Variants in NUP160 observed in about 807,000 individuals in gnomAD.
NUP160 encodes the protein nuclear pore complex protein Nup160.
In NUP160, 94 loss-of-function variants were observed where a neutral mutation model predicts 196.9. The ratio of observed to expected loss-of-function variants is 0.48; its 90% CI spans 0.40 to 0.57. The LOEUF is 0.57. NUP160 is among the 20% of genes least tolerant of loss of function. The pLI is 0.00. For missense variants in NUP160, 1,638 were observed against 1,748.3 expected (o/e 0.94, Z 1.13); for synonymous variants, 605 against 619.7 (o/e 0.98, Z 0.35).
At chr11:47,827,386 G>A (rs1489084264) in intron 7 of NUP160, among the ~76,000 whole-genome samples, 2 of 149,876 alleles carry the variant, frequency 1.3e-5, no homozygotes, top group Non-Finnish European at 3.0e-5. Flanking sequence ...AAAATTCACA[G>A]CTTACTGTTG....
chr11:47,821,490 G>T, intron 9 of NUP160: 1 of 462,714 alleles, frequency 2.2e-6, no homozygotes, highest in Non-Finnish European at 3.9e-6. Flanking sequence ...TGCCTCCCGA[G>T]GAGCTGGGAT....
chr11:47,798,159 T>C lies in NUP160; in HGVS notation c.3086+9A>G. 1.2e-6 allele frequency: 2 copies of C among 1,603,986 alleles called. No homozygotes were observed. The highest frequency in any genetic ancestry group is 1.7e-6 in the Non-Finnish European group (2 of 1,172,514). On this transcript the variant is annotated intron_variant, in intron 25 of 35. Transcript: ENST00000378460. ...AAATTGTCTTCTCTAAAAAAGGCCATGAAATTACCTGCTGGAATCAGGAAT... is the reference window on the plus strand; with the variant it reads ...AAATTGTCTTCTCTAAAAAAGGCCACGAAATTACCTGCTGGAATCAGGAAT...
At chr11:47,847,793 A>T in intron 2 of NUP160, 55 bp downstream of exon 2, 1 of 1,307,996 alleles carries the variant, frequency 7.6e-7, no homozygotes, top group Non-Finnish European at 1.1e-6. Context: ...CAGCGACGAA[A>T]ATTTATACAC....
Position 47,848,231 on chromosome 11 carries a change from CTG to C in NUP160, c.188_189del (p.Thr63SerfsTer18), listed in dbSNP as rs751494111. 2.5e-6 allele frequency: 4 copies of C among 1,614,106 alleles called. No individual in the cohort carries two copies. The highest frequency in any genetic ancestry group is 3.4e-6 in the Non-Finnish European group (4 of 1,180,050). Reference sequence around the variant, plus strand: ...GCCATTTCCGTACCAATGCTGCAGACTGTGAATTCCCGAAAGTGCCTCGGCCT... The same window carrying C: ...GCCATTTCCGTACCAATGCTGCAGACTGAATTCCCGAAAGTGCCTCGGCCT... On this transcript the variant is annotated frameshift_variant, in exon 1 of 36. Transcript: ENST00000378460. LOFTEE classifies it high-confidence loss of function.
At position 47,788,464 on chromosome 11, in the gene NUP160, C is replaced by T. The variant is rs763008758; in HGVS notation, c.3622+37G>A. On this transcript the variant is annotated intron_variant, in intron 30 of 35. Transcript: ENST00000378460. ...CTGGACCTAAAATGTGCTCGTGGTG[C>T]TGACAAGTCAGAGGCTTTAAACTCT... 4.4e-6 allele frequency: 7 copies of T among 1,578,352 alleles called. No homozygotes were observed. The South Asian group carries it at 7.8e-5, about 18-fold the overall frequency.
intron 19 of NUP160, among the ~76,000 whole-genome samples, chr11:47,806,852 C>CACACACACATATAT (rs1428564239): frequency 2.4e-5 from 3 of 124,252 alleles, no homozygotes; most frequent in African/African-American, 6.3e-5. Context: ...CACACACACA[C>CACACACACATATAT]ATATATATAC....
chr11:47,779,130 T>C, exon 36 of NUP160: 1 of 1,613,768 alleles, frequency 6.2e-7, no homozygotes. Flanking sequence ...ATATAATAAA[T>C]CCCGTGTTGC....
intron 7 of NUP160, among the ~76,000 whole-genome samples, chr11:47,831,925 C>T (rs1599342507): frequency 1.0e-5 from 1 of 99,032 alleles, no homozygotes; most frequent in South Asian, 3.7e-4. Context: ...TTTTTTGAGA[C>T]AGAATCTCGG....
intron 27 of NUP160, among the ~76,000 whole-genome samples, chr11:47,796,015 G>A (rs1326236809): frequency 2.6e-5 from 4 of 151,822 alleles, no homozygotes; most frequent in Non-Finnish European, 4.4e-5. Context: ...TTAACCGGGC[G>A]TGGTGGTAGG....
At chr11:47,799,881 T>C (rs1465877870) in intron 23 of NUP160, among the ~76,000 whole-genome samples, 1 of 152,166 alleles carries the variant, frequency 6.6e-6, no homozygotes, top group Non-Finnish European at 1.5e-5. Flanking sequence ...TCTAGTGACA[T>C]CATAGCCACC....
chr11:47,846,125 G>A (rs557507393), intron 2 of NUP160, among the ~76,000 whole-genome samples: 1 of 147,072 alleles, frequency 6.8e-6, no homozygotes, highest in East Asian at 2.0e-4. Flanking sequence ...AATGGAGCCA[G>A]ACTGTCTCTC....
intron 9 of NUP160, chr11:47,821,487 C>G: frequency 2.2e-6 from 1 of 458,838 alleles, no homozygotes; most frequent in South Asian, 3.1e-5. Context: ...CCTTGCCTCC[C>G]GAGGAGCTGG....
exon 33 of NUP160, chr11:47,784,997 C>G (rs1256906901): frequency 6.2e-7 from 1 of 1,602,268 alleles, no homozygotes; most frequent in Non-Finnish European, 8.5e-7. Context: ...AGTGGTGATA[C>G]AAGTTATTCT....
Position 47,823,737 on chromosome 11 carries a change from G to A in NUP160, c.1102-1573C>T, listed in dbSNP as rs1487153260. 2.6e-5 allele frequency among the ~76,000 whole-genome samples: 4 copies of A among 151,724 alleles called. No individual in the cohort carries two copies. The East Asian group carries it at 5.8e-4, about 22-fold the overall frequency. On this transcript the variant is annotated intron_variant, in intron 7 of 35. Coordinates refer to ENST00000378460, the Ensembl canonical transcript of NUP160. ...TTTTTAGTAGAGTCGGGGTTTCACC[G>A]TGTTATCCAGGATGGTCTTGATCTC...
chr11:47,801,580 C>G (rs2097674205), intron 23 of NUP160, among the ~76,000 whole-genome samples: 1 of 152,100 alleles, frequency 6.6e-6, no homozygotes, highest in Admixed American at 6.5e-5. Flanking sequence ...AAACTCCTGA[C>G]CTCAGGTGAT....
intron 7 of NUP160, among the ~76,000 whole-genome samples, chr11:47,834,269 C>A (rs143851064): frequency 4.7e-4 from 71 of 151,786 alleles, no homozygotes; most frequent in African/African-American, 1.4e-3. Context: ...TGTAACATGT[C>A]GAGGAGACTG....
At chr11:47,813,207 A>G in intron 14 of NUP160, 109 bp downstream of exon 14, 1 of 1,013,410 alleles carries the variant, frequency 9.9e-7, no homozygotes, top group Middle Eastern at 2.1e-4. Context: ...GTGGTGTGGT[A>G]AAGTGACCAA....
chr11:47,795,204 TA>T (rs1480006660), intron 27 of NUP160, among the ~76,000 whole-genome samples: 2 of 152,180 alleles, frequency 1.3e-5, no homozygotes, highest in African/African-American at 4.8e-5. Flanking sequence ...CTCCAGAAAT[TA>T]AAATATCATT....
chr11:47,796,913 G>A (rs1181536230), intron 27 of NUP160, among the ~76,000 whole-genome samples: 2 of 152,052 alleles, frequency 1.3e-5, no homozygotes, highest in East Asian at 1.9e-4. Flanking sequence ...GGCTGGTCTC[G>A]AACTCCTGAC....
Sources: gnomAD v4.1 joint callset for allele counts (sites outside exome capture counted in the v4.1 genomes callset) on GRCh38, gnomAD v4.1.1 for gene constraint, MANE v1.5 for transcripts, NCBI Gene and HGNC (gene_info 2026-07-23, HGNC 2026-07-21) for gene names.